The following KIF6 variants were observed in gnomAD, a reference collection of about 807,000 sequenced individuals.
KIF6 encodes kinesin family member 6, also known as kinesin-like protein KIF6.
In KIF6, 106 loss-of-function variants were observed where a neutral mutation model predicts 112.7. The observed-to-expected ratio is 0.94, with a 90% CI of 0.80 to 1.11. KIF6 has a LOEUF of 1.11. KIF6 is among the 50% of genes least tolerant of loss of function. KIF6 has a pLI of 0.00. For missense variants in KIF6, 929 were observed against 964.0 expected (o/e 0.96, Z 0.48); for synonymous variants, 339 against 339.9 (o/e 1.00, Z 0.03).
intron 3 of KIF6, among the ~76,000 whole-genome samples, chr6:39,700,078 G>T (rs558562279): frequency 6.6e-6 from 1 of 152,294 alleles, no homozygotes; most frequent in East Asian, 1.9e-4. Context: ...ATACAGCCAT[G>T]CAATGCATAA....
At chr6:39,700,919 T>G (rs1788844675) in intron 3 of KIF6, among the ~76,000 whole-genome samples, 1 of 152,062 alleles carries the variant, frequency 6.6e-6, no homozygotes, top group South Asian at 2.1e-4. Context: ...AAGCTGGTCT[T>G]GAACTCCTGA....
At chr6:39,681,814 G>A (rs566784967) in intron 3 of KIF6, among the ~76,000 whole-genome samples, 1 of 152,274 alleles carries the variant, frequency 6.6e-6, no homozygotes, top group Admixed American at 6.5e-5. Context: ...CCAATAGCAT[G>A]CCCCGTGGAA....
At chr6:39,340,795 A>T (rs776136228) in intron 22 of KIF6, among the ~76,000 whole-genome samples, 1 of 152,094 alleles carries the variant, frequency 6.6e-6, no homozygotes, top group Non-Finnish European at 1.5e-5. Flanking sequence ...TTAGATGATC[A>T]CATCTCTTAT....
At chr6:39,711,874 A>G (rs1472877763) in intron 3 of KIF6, among the ~76,000 whole-genome samples, 2 of 152,200 alleles carry the variant, frequency 1.3e-5, no homozygotes, top group Non-Finnish European at 2.9e-5. Flanking sequence ...AAAGTATCCT[A>G]ACATTCTTGA....
intron 10 of KIF6, among the ~76,000 whole-genome samples, chr6:39,551,740 T>C (rs1378853643): frequency 1.3e-5 from 2 of 152,178 alleles, no homozygotes; most frequent in African/African-American, 4.8e-5. Context: ...AGTTACACAA[T>C]TTAAAAAATT....
chr6:39,583,083 T>G (rs1781383611), intron 9 of KIF6: 1 of 251,358 alleles, frequency 4.0e-6, no homozygotes, highest in Non-Finnish European at 8.2e-6. Flanking sequence ...AATGTTTACC[T>G]TTCTTCAAAT....
At chr6:39,392,355 C>T (rs1767960057) in intron 15 of KIF6, among the ~76,000 whole-genome samples, 1 of 152,190 alleles carries the variant, frequency 6.6e-6, no homozygotes, top group African/African-American at 2.4e-5. Flanking sequence ...CATCCCTAAA[C>T]ATGTAGTCTT....
chr6:39,426,381 G>C (rs1770764786), intron 14 of KIF6, among the ~76,000 whole-genome samples: 7 of 152,178 alleles, frequency 4.6e-5, no homozygotes, highest in Admixed American at 3.9e-4. Flanking sequence ...CTGGAGACCA[G>C]AGCTTAGAGA....
At chr6:39,688,984 A>T (rs1379681236) in intron 3 of KIF6, among the ~76,000 whole-genome samples, 1 of 152,040 alleles carries the variant, frequency 6.6e-6, no homozygotes. Context: ...CATCTGGATA[A>T]TTTTTTATTT....
At chr6:39,339,189 C>T (rs1351021817) in intron 22 of KIF6, among the ~76,000 whole-genome samples, 1 of 152,132 alleles carries the variant, frequency 6.6e-6, no homozygotes, top group Non-Finnish European at 1.5e-5. Context: ...AAAATCACAC[C>T]TCATGGTGTT....
chr6:39,698,926 A>G (rs1443496380), intron 3 of KIF6, among the ~76,000 whole-genome samples: 1 of 152,236 alleles, frequency 6.6e-6, no homozygotes, highest in Non-Finnish European at 1.5e-5. Flanking sequence ...TTGAGGAATC[A>G]AGAATCTAAT....
chr6:39,556,955 T>C (rs1012814116), intron 10 of KIF6, among the ~76,000 whole-genome samples: 1 of 152,142 alleles, frequency 6.6e-6, no homozygotes, highest in Non-Finnish European at 1.5e-5. Flanking sequence ...GTAGACAACA[T>C]TGAAGTTTAG....
At chr6:39,435,503 T>C (rs1327770221) in intron 13 of KIF6, among the ~76,000 whole-genome samples, 2 of 152,086 alleles carry the variant, frequency 1.3e-5, no homozygotes, top group Non-Finnish European at 2.9e-5. Context: ...TTGTACCCAA[T>C]AGGTAGTTTT....
intron 3 of KIF6, among the ~76,000 whole-genome samples, chr6:39,695,386 G>T (rs895226193): frequency 5.9e-5 from 9 of 152,114 alleles, no homozygotes; most frequent in African/African-American, 9.7e-5. Context: ...CAGAGTGGAA[G>T]AAAATATTTG....
At chr6:39,445,623 G>T (rs1161329443) in intron 13 of KIF6, among the ~76,000 whole-genome samples, 1 of 152,234 alleles carries the variant, frequency 6.6e-6, no homozygotes, top group African/African-American at 2.4e-5. Context: ...GGCATCAAAG[G>T]TCACGTGGTT....
intron 3 of KIF6, among the ~76,000 whole-genome samples, chr6:39,711,609 T>C (rs1789563728): frequency 1.3e-5 from 2 of 152,120 alleles, no homozygotes; most frequent in South Asian, 4.1e-4. Context: ...CTGGGCTCAT[T>C]TAACTGTGAA....
chr6:39,528,622 C>T (rs1010908873), intron 13 of KIF6, among the ~76,000 whole-genome samples: 2 of 152,230 alleles, frequency 1.3e-5, no homozygotes, highest in African/African-American at 4.8e-5. Context: ...TCTCCACATC[C>T]TCCCCAACAC....
intron 13 of KIF6, among the ~76,000 whole-genome samples, chr6:39,505,603 C>A (rs1032049103): frequency 2.6e-5 from 4 of 152,214 alleles, no homozygotes; most frequent in African/African-American, 9.6e-5. Context: ...ATCTATCCAT[C>A]TGACAAAGGT....
At chr6:39,438,339 G>A (rs1219780742) in intron 13 of KIF6, among the ~76,000 whole-genome samples, 1 of 152,134 alleles carries the variant, frequency 6.6e-6, no homozygotes, top group African/African-American at 2.4e-5. Context: ...CTGTAAAAAA[G>A]CCTTGGGCAG....
Sources: gnomAD v4.1 joint callset for allele counts (sites outside exome capture counted in the v4.1 genomes callset) on GRCh38, gnomAD v4.1.1 for gene constraint, MANE v1.5 for transcripts, NCBI Gene and HGNC (gene_info 2026-07-23, HGNC 2026-07-21) for gene names.